Variants in FHAD1 observed in about 807,000 individuals in gnomAD.
FHAD1 encodes forkhead associated phosphopeptide binding domain 1.
In FHAD1, 146 loss-of-function variants were observed where a neutral mutation model predicts 191.3. The ratio of observed to expected loss-of-function variants is 0.76; its 90% CI spans 0.67 to 0.88. The LOEUF is 0.88. Ranked by LOEUF, FHAD1 falls within the 40% of genes least tolerant of loss-of-function variation. FHAD1 has a pLI of 0.00. For missense variants in FHAD1, 1,635 were observed against 1,785.8 expected, an observed-to-expected ratio of 0.92 and a Z score of 1.52; for synonymous variants, 616 against 672.3, an observed-to-expected ratio of 0.92 and a Z score of 1.29.
At chr1:15,277,023 T>C (rs1157618571) in intron 3 of FHAD1, among the ~76,000 whole-genome samples, 1 of 152,228 alleles carries the variant, frequency 6.6e-6, no homozygotes. Flanking sequence ...GTTTCTGCCA[T>C]TATGATGTTT....
At chr1:15,375,102 C>T (rs1273241441) in intron 27 of FHAD1, among the ~76,000 whole-genome samples, 1 of 151,992 alleles carries the variant, frequency 6.6e-6, no homozygotes, top group Non-Finnish European at 1.5e-5. Flanking sequence ...GTGATCCACC[C>T]GCCTCAGCCT....
At chr1:15,391,031 G>T in intron 32 of FHAD1, 179 bp from the exon 33 acceptor site, 1 of 272,084 alleles carries the variant, frequency 3.7e-6, no homozygotes, top group South Asian at 3.3e-5. Context: ...CCCCCTTCTC[G>T]TTGAGAAAAT....
intron 33 of FHAD1, among the ~76,000 whole-genome samples, chr1:15,395,449 T>C (rs1705626042): frequency 6.6e-6 from 1 of 152,096 alleles, no homozygotes; most frequent in Non-Finnish European, 1.5e-5. Flanking sequence ...TTCTTCTCTC[T>C]CCAGTGGTAT....
intron 1 of FHAD1, among the ~76,000 whole-genome samples, chr1:15,237,563 G>A (rs554246191): frequency 2.0e-5 from 3 of 152,172 alleles, no homozygotes; most frequent in East Asian, 1.9e-4. Flanking sequence ...GTGAGCACTC[G>A]GCCCTTCTAC....
intron 11 of FHAD1, chr1:15,324,839 C>T: frequency 2.1e-6 from 1 of 473,950 alleles, no homozygotes; most frequent in East Asian, 3.6e-5. Context: ...CCCCAGTTAA[C>T]CGAGCTCCTT....
At chr1:15,285,230 T>A (rs562915197) in intron 3 of FHAD1, among the ~76,000 whole-genome samples, 1 of 152,156 alleles carries the variant, frequency 6.6e-6, no homozygotes, top group Non-Finnish European at 1.5e-5. Flanking sequence ...TAAATCAACA[T>A]GCTTTCAAAA....
intron 8 of FHAD1, 69 bp downstream of exon 8, chr1:15,313,256 A>G: frequency 7.8e-7 from 1 of 1,278,074 alleles, no homozygotes; most frequent in South Asian, 1.3e-5. Context: ...GTCACGTGAT[A>G]TGCTTGTTTC....
intron 4 of FHAD1, among the ~76,000 whole-genome samples, chr1:15,294,568 T>C (rs1311184344): frequency 1.3e-5 from 2 of 152,148 alleles, no homozygotes; most frequent in Non-Finnish European, 2.9e-5. Flanking sequence ...AATTTTTGTA[T>C]TTTTAGTAGA....
chr1:15,388,488 A>G, intron 32 of FHAD1: 1 of 817,416 alleles, frequency 1.2e-6, no homozygotes. Context: ...TAGGCCACTA[A>G]GTAACTTGGG....
chr1:15,379,455 C>T (rs960495610), intron 28 of FHAD1, among the ~76,000 whole-genome samples: 1 of 152,236 alleles, frequency 6.6e-6, no homozygotes, highest in Non-Finnish European at 1.5e-5. Context: ...GGGTTTTATA[C>T]CGAGACATTC....
chr1:15,363,293 G>T (rs1284268946), intron 23 of FHAD1, among the ~76,000 whole-genome samples: 1 of 152,102 alleles, frequency 6.6e-6, no homozygotes, highest in African/African-American at 2.4e-5. Context: ...CACTAACTCA[G>T]TAGTCCACAA....
intron 32 of FHAD1, among the ~76,000 whole-genome samples, chr1:15,389,447 C>CAAAAAAAAAAAAAAGAAAAAAA (rs1703239796): frequency 1.8e-5 from 1 of 54,220 alleles, no homozygotes; most frequent in Non-Finnish European, 3.4e-5. Context: ...GAACCTGTCT[C>CAAAAAAAAAAAAAAGAAAAAAA]AAAAAAAAAA....
At chr1:15,377,365 C>A (rs1430581268) in intron 28 of FHAD1, among the ~76,000 whole-genome samples, 1 of 152,148 alleles carries the variant, frequency 6.6e-6, no homozygotes, top group Admixed American at 6.5e-5. Flanking sequence ...GCCTGACCCG[C>A]TCCCAAGACA....
chr1:15,296,596 C>A, intron 4 of FHAD1, 88 bp from the exon 5 acceptor site: 2 of 1,188,694 alleles, frequency 1.7e-6, no homozygotes, highest in Non-Finnish European at 2.4e-6. Context: ...TGGGGGGAAA[C>A]AAACAGGAAG....
At chr1:15,383,758 A>G in intron 31 of FHAD1, 1 of 331,134 alleles carries the variant, frequency 3.0e-6, no homozygotes, top group South Asian at 2.4e-5. Context: ...GATAGGGCTT[A>G]TTAATGCCTC....
At chr1:15,284,228 C>A (rs1189960489) in intron 3 of FHAD1, among the ~76,000 whole-genome samples, 1 of 152,178 alleles carries the variant, frequency 6.6e-6, no homozygotes, top group Admixed American at 6.5e-5. Flanking sequence ...CGCCGGTAAT[C>A]CCAGCACTTT....
Position 15,345,950 on chromosome 1 carries a change from G to C in FHAD1, c.2346+427G>C, listed in dbSNP as rs186718552. 4.1e-3 allele frequency among the ~76,000 whole-genome samples: 627 copies of C among 152,254 alleles called. 8 individuals carry two copies. The highest frequency in any genetic ancestry group is 0.033 in the South Asian group (161 of 4,822). Reference sequence around the variant, plus strand: ...CTCCACCCCAGGACAGTCCGTCCCAGCATGGATGCCTCAGGCCGACAGAAA... The same window carrying C: ...CTCCACCCCAGGACAGTCCGTCCCACCATGGATGCCTCAGGCCGACAGAAA... On this transcript the variant is annotated intron_variant, in intron 18 of 33. Transcript: ENST00000688493.
At chr1:15,396,813 A>T (rs981816418) in intron 33 of FHAD1, among the ~76,000 whole-genome samples, 1 of 151,796 alleles carries the variant, frequency 6.6e-6, no homozygotes, top group African/African-American at 2.4e-5. Context: ...CTGTCTCAAA[A>T]AATAATAATA....
chr1:15,379,712 C>T (rs535430705), intron 28 of FHAD1, among the ~76,000 whole-genome samples: 1 of 152,336 alleles, frequency 6.6e-6, no homozygotes, highest in African/African-American at 2.4e-5. Context: ...TCCCTGGGTA[C>T]TTGAGATTAG....
Sources: allele counts gnomAD v4.1 joint callset (sites outside exome capture counted in the v4.1 genomes callset), GRCh38; gene constraint gnomAD v4.1.1; transcripts MANE v1.5; gene names NCBI Gene and HGNC (gene_info 2026-07-23, HGNC 2026-07-21).